The following RASSF2 variants were observed in gnomAD, a reference collection of about 807,000 sequenced individuals.
RASSF2 encodes ras association domain-containing protein 2.
Under a neutral mutation model 46.3 loss-of-function variants are expected in RASSF2, and 34 were observed. The observed-to-expected ratio is 0.73, with a 90% CI of 0.56 to 0.98. RASSF2 has a LOEUF of 0.98. Among genes scored for constraint, RASSF2 ranks in the 50% least tolerant of loss-of-function variants. The pLI is 0.00. For synonymous variants in RASSF2, 158 were observed against 162.5 expected, an observed-to-expected ratio of 0.97 and a Z score of 0.21; for missense variants, 364 against 431.2, an observed-to-expected ratio of 0.84 and a Z score of 1.38.
rs747445945 is a variant in RASSF2, at chr20:4,784,310, C to T, written c.944G>A (p.Arg315Lys). ...TGGGGTCTCGGCTATCTCCTCCAGC[C>T]TCTGTCGAATCATTAGCCGGAGCAC... is the stretch of plus-strand genomic sequence containing the variant. ...YTVLRLMIRQ[R>K]LEEIAETPAT... The change falls in exon 12 of 12, where the codon AGG (arginine) becomes AAG (lysine). Residue 315 changes from arginine (R) to lysine (K), a missense_variant. Transcript: ENST00000379400. 17 of 1,613,924 alleles carry T rather than the reference C, an allele frequency of 1.1e-5. No individual in the cohort carries two copies. In the East Asian group the frequency reaches 3.8e-4, roughly 36 times the overall value.
At chr20:4,820,491 CAGAG>C (rs1175391045) in intron 2 of RASSF2, among the ~76,000 whole-genome samples, 1 of 151,876 alleles carries the variant, frequency 6.6e-6, no homozygotes, top group Non-Finnish European at 1.5e-5. Flanking sequence ...GCCTGGGCGA[CAGAG>C]AGAGACCCTA....
intron 5 of RASSF2, among the ~76,000 whole-genome samples, chr20:4,794,318 C>T (rs186544955): frequency 8.5e-4 from 129 of 152,150 alleles, no homozygotes; most frequent in African/African-American, 2.1e-3. Context: ...CCTGTGGTCC[C>T]GGAACTTTGG....
At chr20:4,814,462 G>A (rs78658721) in intron 2 of RASSF2, among the ~76,000 whole-genome samples, 1 of 152,172 alleles carries the variant, frequency 6.6e-6, no homozygotes, top group East Asian at 1.9e-4. Flanking sequence ...TATAGGCTGA[G>A]ACTCTGAGCT....
At chr20:4,784,843 A>T (rs1280310928) in intron 11 of RASSF2, among the ~76,000 whole-genome samples, 1 of 152,196 alleles carries the variant, frequency 6.6e-6, no homozygotes, top group Non-Finnish European at 1.5e-5. Context: ...AGAAGAGGCC[A>T]TAGCAGCTAC....
rs1379446626 is a variant in RASSF2, at chr20:4,795,629, G to C, written c.287+186C>G. 1.3e-5 allele frequency: 8 copies of C among 601,246 alleles called. No homozygotes were observed. The highest frequency in any genetic ancestry group is 2.2e-5 in the Non-Finnish European group (8 of 364,692). The allele number at this position is 601,246 out of a possible 1,614,324, so 37.2% of individuals were successfully genotyped here. Reference sequence around the variant, plus strand: ...TCAGTGATTGCAGTGACAGGAAGGGGGCTCAATCACAACCACATCTGCTGC... The same window carrying C: ...TCAGTGATTGCAGTGACAGGAAGGGCGCTCAATCACAACCACATCTGCTGC... On this transcript the variant is annotated intron_variant, in intron 5 of 11. Coordinates refer to ENST00000379400, the MANE Select transcript of RASSF2 (RefSeq NM_014737.3). The surrounding 1 kb of genome is among the most constrained non-coding windows in gnomAD (Gnocchi z 4.0).
intron 2 of RASSF2, among the ~76,000 whole-genome samples, chr20:4,805,173 A>G (rs1159954800): frequency 6.6e-6 from 1 of 152,036 alleles, no homozygotes; most frequent in Non-Finnish European, 1.5e-5. Flanking sequence ...ATTACCTTAT[A>G]TGGTAACAGG....
chr20:4,798,845 CAAA>C (rs35949107), intron 3 of RASSF2, among the ~76,000 whole-genome samples: 11 of 127,252 alleles, frequency 8.6e-5, no homozygotes, highest in African/African-American at 2.9e-4. Flanking sequence ...AACAAACAAA[CAAA>C]AAAAAAAAAA....
chr20:4,815,109 G>A (rs1928190771), intron 2 of RASSF2: 1 of 152,228 alleles, frequency 6.6e-6, no homozygotes, highest in South Asian at 2.1e-4. Flanking sequence ...CACCTAACAA[G>A]GAACTCACAG....
Position 4,819,293 on chromosome 20 carries a change from A to G in RASSF2, c.-33+3036T>C, listed in dbSNP as rs539470885. Among the ~76,000 whole-genome samples the G allele has an allele frequency of 2.0e-4, 31 of 152,276 alleles. No individual in the cohort carries two copies. In the South Asian group the frequency reaches 6.0e-3, roughly 30 times the overall value. On this transcript the variant is annotated intron_variant, in intron 2 of 11. Coordinates refer to ENST00000379400, the MANE Select transcript of RASSF2 (RefSeq NM_014737.3). ...CTGAGACTTTTAATGACTTTTAACT[A>G]TAAGTTAAAGCCTGTCTTAGGTTGG... is the stretch of plus-strand genomic sequence containing the variant.
chr20:4,822,378 G>A lies in RASSF2; in HGVS notation c.-82C>T, dbSNP rs973012105. 1 of 152,026 alleles carries A rather than the reference G, an allele frequency of 6.6e-6. No homozygotes were observed. The highest frequency in any genetic ancestry group is 2.4e-5 in the African/African-American group (1 of 41,378). The allele number at this position is 152,026 out of a possible 1,614,324, so 9.4% of individuals were successfully genotyped here. ...CAGCCTTTGCTCTCCCGAAAAACAC[G>A]TTCTAGGCGCCGGGATTCCAGATAC... On this transcript the variant is annotated 5_prime_UTR_variant, in exon 2 of 12. The change creates a new upstream start codon in the 5' untranslated region. Coordinates refer to ENST00000379400, the MANE Select transcript of RASSF2 (RefSeq NM_014737.3).
chr20:4,798,145 T>C, intron 3 of RASSF2, 60 bp from the exon 4 acceptor site: 2 of 1,598,096 alleles, frequency 1.3e-6, no homozygotes, highest in South Asian at 1.1e-5. Context: ...ATAATGCAGT[T>C]GTTCCCTCTT....
intron 2 of RASSF2, among the ~76,000 whole-genome samples, chr20:4,808,978 T>C (rs1927560543): frequency 6.6e-6 from 1 of 152,246 alleles, no homozygotes; most frequent in African/African-American, 2.4e-5. Context: ...TAGCTGGAGA[T>C]GTGAATACAG....
At chr20:4,822,895 A>C (rs956788332) in intron 1 of RASSF2, among the ~76,000 whole-genome samples, 3 of 151,984 alleles carry the variant, frequency 2.0e-5, no homozygotes, top group Admixed American at 6.5e-5. Flanking sequence ...CCAGCCCTGC[A>C]CCTGCCGCGC....
At chr20:4,808,066 G>A (rs979520245) in intron 2 of RASSF2, among the ~76,000 whole-genome samples, 4 of 152,210 alleles carry the variant, frequency 2.6e-5, no homozygotes, top group Non-Finnish European at 5.9e-5. Context: ...CTCACACAAG[G>A]AAGGTCAGAG....
chr20:4,800,658 G>A (rs560449123), intron 3 of RASSF2, among the ~76,000 whole-genome samples: 8 of 152,168 alleles, frequency 5.3e-5, no homozygotes, highest in South Asian at 4.2e-4. Context: ...AGAAGATAGC[G>A]AACAGCCACC....
chr20:4,790,109 G>A lies in RASSF2; in HGVS notation c.537+342C>T, dbSNP rs1925743929. On this transcript the variant is annotated intron_variant, in intron 7 of 11. Coordinates refer to ENST00000379400, the MANE Select transcript of RASSF2 (RefSeq NM_014737.3). This position sits in a 1 kb window ranked among gnomAD's most constrained non-coding sequence, Gnocchi z 4.3. ...AGACCATACACCAGCTGGGGGCACA[G>A]TGTGCAGGAAGAGGGTAACACGTGG... Among the ~76,000 whole-genome samples the A allele has an allele frequency of 6.6e-6, 1 of 152,196 alleles. No homozygotes were observed. Among genetic ancestry groups the A allele is most frequent in the Non-Finnish European group, 1.5e-5 (1 of 68,040 alleles).
At chr20:4,794,301 G>A (rs1926150177) in intron 5 of RASSF2, among the ~76,000 whole-genome samples, 1 of 152,094 alleles carries the variant, frequency 6.6e-6, no homozygotes, top group Non-Finnish European at 1.5e-5. Context: ...CAGTATGGTG[G>A]CTCACCCCTG....
chr20:4,798,479 C>T (rs1926560518), intron 3 of RASSF2, among the ~76,000 whole-genome samples: 1 of 152,156 alleles, frequency 6.6e-6, no homozygotes, highest in Non-Finnish European at 1.5e-5. Context: ...GGCCTTTTCT[C>T]CCTCAAGCAC....
chr20:4,785,187 A>G (rs900693805), intron 11 of RASSF2, among the ~76,000 whole-genome samples: 5 of 151,656 alleles, frequency 3.3e-5, no homozygotes, highest in African/African-American at 9.7e-5. Context: ...AAGAAAGAAA[A>G]AAATAGCTAG....
Sources: allele counts gnomAD v4.1 joint callset (sites outside exome capture counted in the v4.1 genomes callset), GRCh38; gene constraint gnomAD v4.1.1; non-coding constraint Gnocchi (gnomAD v3.1); transcripts MANE v1.5; gene names NCBI Gene and HGNC (gene_info 2026-07-23, HGNC 2026-07-21).